BCAS3: variants seen among roughly 807,000 people sequenced by gnomAD.
The protein encoded by BCAS3 is BCAS3 microtubule associated cell migration factor.
In BCAS3, 53 loss-of-function variants were observed where a neutral mutation model predicts 116.1. That is an observed-to-expected ratio of 0.46 (90% CI 0.37 to 0.57). The LOEUF (loss-of-function observed/expected upper bound fraction) is 0.57. Among genes scored for constraint, BCAS3 ranks in the 20% least tolerant of loss-of-function variants. The pLI, the probability that BCAS3 is intolerant of heterozygous loss-of-function variation, is 0.00. For missense variants in BCAS3, 917 were observed against 1,165.4 expected, an observed-to-expected ratio of 0.79 and a Z score of 3.10; for synonymous variants, 391 against 408.2, an observed-to-expected ratio of 0.96 and a Z score of 0.51.
intron 22 of BCAS3, among the ~76,000 whole-genome samples, chr17:61,257,420 C>CAAAA (rs35124459): frequency 1.2e-4 from 7 of 57,204 alleles, no homozygotes; most frequent in Non-Finnish European, 1.9e-4. Flanking sequence ...GACTCCATCT[C>CAAAA]AAAAAAAAAA....
At chr17:61,035,523 C>T (rs1459787891) in intron 17 of BCAS3, among the ~76,000 whole-genome samples, 1 of 141,260 alleles carries the variant, frequency 7.1e-6, no homozygotes, top group East Asian at 2.0e-4. Flanking sequence ...GCAGAGGTTG[C>T]AGTGAGCCGA....
chr17:61,285,000 T>C (rs747796877), intron 22 of BCAS3, among the ~76,000 whole-genome samples: 1 of 152,220 alleles, frequency 6.6e-6, no homozygotes, highest in African/African-American at 2.4e-5. Context: ...GGTTCTCCTG[T>C]CTGTAGGCTT....
chr17:61,067,780 G>A (rs1308243123), intron 19 of BCAS3, among the ~76,000 whole-genome samples: 1 of 146,514 alleles, frequency 6.8e-6, no homozygotes, highest in Non-Finnish European at 1.5e-5. Flanking sequence ...TGTATACACA[G>A]AAGCCCATAT....
chr17:61,074,163 G>T (rs900117259), intron 19 of BCAS3, among the ~76,000 whole-genome samples: 15 of 151,110 alleles, frequency 9.9e-5, no homozygotes, highest in Non-Finnish European at 2.2e-4. Context: ...GAGGTTGGGG[G>T]GTTATATGGG....
In BCAS3 at chr17:61,356,019, G is replaced by A. The variant is rs1018094064; in HGVS notation, c.2426-12308G>A. ...TTTTTCTTTTCTCTTTTTTGAGACT[G>A]AGTCTTACTCTGTGGCCCAGGCTGG... is the stretch of plus-strand genomic sequence containing the variant. On this transcript the variant is annotated intron_variant, in intron 22 of 23. Transcript: ENST00000407086. This position sits in a 1 kb window ranked among gnomAD's most constrained non-coding sequence, Gnocchi z 5.4. 1.3e-5 allele frequency among the ~76,000 whole-genome samples: 2 copies of A among 152,176 alleles called. No individual in the cohort carries two copies. Among genetic ancestry groups the A allele is most frequent in the African/African-American group, 4.8e-5 (2 of 41,438 alleles).
intron 5 of BCAS3, among the ~76,000 whole-genome samples, chr17:60,739,942 A>T (rs2041371089): frequency 6.7e-6 from 1 of 149,820 alleles, no homozygotes; most frequent in Non-Finnish European, 1.5e-5. Flanking sequence ...TGCATCGTTT[A>T]TGAGGAAAAG....
chr17:60,694,519 A>T lies in BCAS3; in HGVS notation c.214+4758A>T, dbSNP rs530567662. On this transcript the variant is annotated intron_variant, in intron 4 of 23. Coordinates refer to ENST00000407086, the MANE Select transcript of BCAS3 (RefSeq NM_017679.5). ...CATCTCAAAAAAAAAAAATTTATTG[A>T]TCATTAAAAATTGAGACAAGGTCTC... Among the ~76,000 whole-genome samples the T allele has an allele frequency of 5.9e-5, 9 of 152,096 alleles. No homozygotes were observed. The East Asian group carries it at 1.7e-3, about 30-fold the overall frequency.
chr17:60,964,461 T>C lies in BCAS3; in HGVS notation c.1221+17109T>C, dbSNP rs1303475716. Reference sequence around the variant, plus strand: ...TAGTATTTTGTTGAGGATTTTCACATATATGTTCATCACGGATATTGGCCT... The same window carrying C: ...TAGTATTTTGTTGAGGATTTTCACACATATGTTCATCACGGATATTGGCCT... On this transcript the variant is annotated intron_variant, in intron 14 of 23. Coordinates refer to ENST00000407086, the MANE Select transcript of BCAS3 (RefSeq NM_017679.5). This position sits in a 1 kb window ranked among gnomAD's most constrained non-coding sequence, Gnocchi z 4.6. Among the ~76,000 whole-genome samples, 1 of 152,202 alleles carries C rather than the reference T, an allele frequency of 6.6e-6. No individual in the cohort carries two copies. The highest frequency in any genetic ancestry group is 2.4e-5 in the African/African-American group (1 of 41,462).
intron 17 of BCAS3, chr17:61,036,213 C>T (rs1260469421): frequency 2.0e-5 from 3 of 152,064 alleles, no homozygotes; most frequent in Non-Finnish European, 4.4e-5. Flanking sequence ...GGTCACAAAC[C>T]GGGTTGTTAC....
chr17:60,887,592 C>T (rs934918622), intron 9 of BCAS3: 1 of 152,156 alleles, frequency 6.6e-6, no homozygotes, highest in Non-Finnish European at 1.5e-5. Context: ...AGTCCCAGCA[C>T]CGTTTGTTGA....
chr17:60,799,719 T>TTC (rs2047580455), intron 6 of BCAS3, among the ~76,000 whole-genome samples: 2 of 132,530 alleles, frequency 1.5e-5, no homozygotes, highest in African/African-American at 6.1e-5. Context: ...TTTTTTTTTT[T>TTC]TTTTTTTTTT....
chr17:61,242,492 C>G (rs1325985020), intron 22 of BCAS3, among the ~76,000 whole-genome samples: 1 of 152,084 alleles, frequency 6.6e-6, no homozygotes, highest in Non-Finnish European at 1.5e-5. Context: ...TAGCCCTCCT[C>G]CCTTCATATG....
At chr17:60,811,276 CA>C in intron 7 of BCAS3, 1 of 920,576 alleles carries the variant, frequency 1.1e-6, no homozygotes, top group Non-Finnish European at 1.7e-6. Context: ...TGCTGAACAT[CA>C]AGGTCAAGCT....
In BCAS3 at chr17:61,222,744, T is replaced by C. The variant is rs2082176253; in HGVS notation, c.2425+138180T>C. 6.6e-6 allele frequency among the ~76,000 whole-genome samples: 1 copy of C among 152,228 alleles called. No homozygotes were observed. The highest frequency in any genetic ancestry group is 6.5e-5 in the Admixed American group (1 of 15,278). ...TGGTCAAGGTGGGCCATGGCCACTC[T>C]GCGACTCCAGGTCGATTCGTCTGCC... On this transcript the variant is annotated intron_variant, in intron 22 of 23. Coordinates refer to ENST00000407086, the MANE Select transcript of BCAS3 (RefSeq NM_017679.5). This position sits in a 1 kb window ranked among gnomAD's most constrained non-coding sequence, Gnocchi z 6.1.
At chr17:60,770,373 A>T (rs1185113036) in intron 6 of BCAS3, among the ~76,000 whole-genome samples, 1 of 128,842 alleles carries the variant, frequency 7.8e-6, no homozygotes, top group Non-Finnish European at 1.6e-5. Flanking sequence ...AGTCCTTGCC[A>T]TCGCCTCTCT....
rs1397511852 is a variant in BCAS3 at position 61,017,173 on chromosome 17, AGTTT to A, written c.1637+1273_1637+1276del. On this transcript the variant is annotated intron_variant, in intron 16 of 23. Transcript: ENST00000407086. This position sits in a 1 kb window ranked among gnomAD's most constrained non-coding sequence, Gnocchi z 4.7. ...GATTTCAACTTTCTCTTCCTCTGTTAGTTTATTTTAAAATAATTTAAGAATAATG... is the reference window on the plus strand; with the variant it reads ...GATTTCAACTTTCTCTTCCTCTGTTAATTTTAAAATAATTTAAGAATAATG... The A allele has an allele frequency of 2.6e-5, 4 of 152,278 alleles. No homozygotes were observed. Among genetic ancestry groups the A allele is most frequent in the African/African-American group, 7.2e-5 (3 of 41,568 alleles). 9.4% of individuals were successfully genotyped at this position (152,278 alleles called of 1,614,324 possible).
At chr17:60,988,199 T>A (rs1302487361) in intron 14 of BCAS3, among the ~76,000 whole-genome samples, 1 of 151,816 alleles carries the variant, frequency 6.6e-6, no homozygotes, top group African/African-American at 2.4e-5. Flanking sequence ...TTTTTTTTGA[T>A]GTGTTGTTGA....
intron 9 of BCAS3, among the ~76,000 whole-genome samples, chr17:60,876,305 A>T (rs1023708707): frequency 2.0e-5 from 3 of 151,992 alleles, no homozygotes; most frequent in African/African-American, 7.2e-5. Flanking sequence ...ACCTCTCATT[A>T]TTCTCATTCT....
rs1354918300 is a variant in BCAS3 at position 61,364,784 on chromosome 17, T to C, written c.2426-3543T>C. ...CAGTGTGTGAGCTGACAGAATGAGC[T>C]CCAAGCTAAGAATTAGAAACCCTTG... On this transcript the variant is annotated intron_variant, in intron 22 of 23. Coordinates refer to ENST00000407086, the MANE Select transcript of BCAS3 (RefSeq NM_017679.5). The surrounding 1 kb of genome is among the most constrained non-coding windows in gnomAD (Gnocchi z 5.4). Among the ~76,000 whole-genome samples, 2 of 152,116 alleles carry C rather than the reference T, an allele frequency of 1.3e-5. No homozygotes were observed. The highest frequency in any genetic ancestry group is 2.9e-5 in the Non-Finnish European group (2 of 68,002).
Sources: allele counts gnomAD v4.1 joint callset (sites outside exome capture counted in the v4.1 genomes callset), GRCh38; gene constraint gnomAD v4.1.1; non-coding constraint Gnocchi (gnomAD v3.1); transcripts MANE v1.5; gene names NCBI Gene and HGNC (gene_info 2026-07-23, HGNC 2026-07-21).